The following CTNND2 variants were observed in gnomAD, a reference collection of about 807,000 sequenced individuals.
CTNND2 encodes the protein catenin delta-2.
A neutral mutation model predicts 144.4 loss-of-function variants in CTNND2; 22 were observed. The observed-to-expected ratio is 0.15, with a 90% CI of 0.11 to 0.22. The LOEUF (loss-of-function observed/expected upper bound fraction) is 0.22. CTNND2 is among the 10% of genes least tolerant of loss of function. The pLI, the probability that CTNND2 is intolerant of heterozygous loss-of-function variation, is 1.00. For synonymous variants in CTNND2, 751 were observed against 695.6 expected (o/e 1.08, Z -1.25); for missense variants, 1,353 against 1,618.8 (o/e 0.84, Z 2.82).
intron 2 of CTNND2, among the ~76,000 whole-genome samples, chr5:11,646,978 TA>T (rs1370974713): frequency 2.0e-5 from 3 of 152,214 alleles, no homozygotes; most frequent in African/African-American, 4.8e-5. Context: ...GGCATCCTTC[TA>T]AAACTGACCT....
At chr5:11,205,182 T>C (rs1737914237) in intron 10 of CTNND2, among the ~76,000 whole-genome samples, 3 of 147,886 alleles carry the variant, frequency 2.0e-5, no homozygotes, top group Admixed American at 6.7e-5. Flanking sequence ...CTACATACTA[T>C]ATATATATGT....
At chr5:11,637,692 C>G (rs1410002045) in intron 2 of CTNND2, among the ~76,000 whole-genome samples, 1 of 152,066 alleles carries the variant, frequency 6.6e-6, no homozygotes, top group African/African-American at 2.4e-5. Flanking sequence ...AAAACCTGAG[C>G]AACATCAATC....
In CTNND2 at chr5:11,893,758, C is replaced by G. The variant is rs145561876; in HGVS notation, c.37+10059G>C. Among the ~76,000 whole-genome samples, 273 of 152,228 alleles carry G rather than the reference C, an allele frequency of 1.8e-3. 1 individual carries two copies. Among genetic ancestry groups the G allele is most frequent in the Middle Eastern group, 0.014 (4 of 294 alleles). ...CAGGCTAAGTACAAGCTAAGTACAC[C>G]CCATGGATCCCCTCAACTGCTGCAA... On this transcript the variant is annotated intron_variant, in intron 1 of 21. Coordinates refer to ENST00000304623, the MANE Select transcript of CTNND2 (RefSeq NM_001332.4).
chr5:11,482,215 A>G (rs1353337842), intron 3 of CTNND2, among the ~76,000 whole-genome samples: 2 of 152,098 alleles, frequency 1.3e-5, no homozygotes, highest in Non-Finnish European at 2.9e-5. Context: ...ACTGCTATTC[A>G]TGGCATCTTT....
chr5:11,650,065 C>T (rs1410219045), intron 2 of CTNND2, among the ~76,000 whole-genome samples: 1 of 152,056 alleles, frequency 6.6e-6, no homozygotes, highest in African/African-American at 2.4e-5. Context: ...ATTTGTGTCC[C>T]CACCCAAATC....
Position 11,236,613 on chromosome 5 carries a change from T to C in CTNND2, c.1761+78A>G. ...AGCATAACTTCAGTTCTCCTAATTC[T>C]TTTCCCCATCAACATTAAGAAGATC... On this transcript the variant is annotated intron_variant, in intron 10 of 21. Transcript: ENST00000304623. The C allele has an allele frequency of 5.5e-6, 8 of 1,461,230 alleles. No homozygotes were observed. The South Asian group carries it at 9.9e-5, about 18-fold the overall frequency. The allele number at this position is 1,461,230 out of a possible 1,614,324, so 90.5% of individuals were successfully genotyped here. A position where few individuals can be genotyped will look rare whatever the true frequency, so the allele number is the denominator to read the frequency against.
At chr5:11,694,917 A>G (rs992648153) in intron 2 of CTNND2, among the ~76,000 whole-genome samples, 2 of 152,254 alleles carry the variant, frequency 1.3e-5, no homozygotes, top group African/African-American at 4.8e-5. Context: ...TGGAACCCCA[A>G]TGTGTTGTCA....
chr5:11,285,891 A>G (rs1747682975), intron 9 of CTNND2, among the ~76,000 whole-genome samples: 1 of 152,246 alleles, frequency 6.6e-6, no homozygotes, highest in South Asian at 2.1e-4. Context: ...GTGATTTTTA[A>G]ATACATTAAC....
chr5:11,681,630 T>A (rs185266578), intron 2 of CTNND2, among the ~76,000 whole-genome samples: 184 of 152,372 alleles, frequency 1.2e-3, no homozygotes, highest in African/African-American at 4.3e-3. Flanking sequence ...AAGATCCATT[T>A]ATTTGTATAT....
At chr5:11,881,361 G>C (rs150403641) in intron 1 of CTNND2, among the ~76,000 whole-genome samples, 19 of 152,002 alleles carry the variant, frequency 1.2e-4, no homozygotes, top group African/African-American at 4.6e-4. Flanking sequence ...CTGTGTTACA[G>C]AACACTAGAA....
chr5:11,582,721 G>A (rs1392698805), intron 2 of CTNND2, among the ~76,000 whole-genome samples: 1 of 152,168 alleles, frequency 6.6e-6, no homozygotes. Flanking sequence ...TCTACAGATG[G>A]AAGAGGAAGA....
intron 3 of CTNND2, among the ~76,000 whole-genome samples, chr5:11,502,762 C>T (rs1770665055): frequency 6.6e-6 from 1 of 152,132 alleles, no homozygotes; most frequent in Non-Finnish European, 1.5e-5. Flanking sequence ...GAAACCCTTC[C>T]CCTGTGACTT....
chr5:11,576,532 G>A (rs974463770), intron 2 of CTNND2, among the ~76,000 whole-genome samples: 1 of 151,608 alleles, frequency 6.6e-6, no homozygotes, highest in African/African-American at 2.4e-5. Flanking sequence ...AAACTTTTCA[G>A]AGTGAGGAAG....
intron 16 of CTNND2, among the ~76,000 whole-genome samples, chr5:11,045,799 G>C (rs1479935830): frequency 6.6e-6 from 1 of 152,124 alleles, no homozygotes; most frequent in African/African-American, 2.4e-5. Flanking sequence ...GACTTGGACA[G>C]ATTTTTGGGG....
intron 20 of CTNND2, among the ~76,000 whole-genome samples, chr5:10,987,633 C>A (rs1041378382): frequency 6.7e-6 from 1 of 149,374 alleles, no homozygotes; most frequent in Non-Finnish European, 1.5e-5. Context: ...CTGCCCTCCT[C>A]TTTCCATTCC....
chr5:11,304,417 C>T (rs141096858), intron 9 of CTNND2, among the ~76,000 whole-genome samples: 3,700 of 152,112 alleles, frequency 0.024, 66 homozygotes, highest in Non-Finnish European at 0.036. Context: ...CACACAAACT[C>T]TCTCTCCCCC....
intron 2 of CTNND2, among the ~76,000 whole-genome samples, chr5:11,584,929 T>C (rs1016788335): frequency 1.3e-5 from 2 of 152,194 alleles, no homozygotes; most frequent in African/African-American, 4.8e-5. Flanking sequence ...AAGAAATACA[T>C]GATTTAGTAT....
intron 15 of CTNND2, among the ~76,000 whole-genome samples, chr5:11,084,654 T>G (rs999491910): frequency 6.6e-6 from 1 of 152,152 alleles, no homozygotes. Context: ...CTCAGCCTGG[T>G]GGGGAAGAGA....
chr5:11,209,109 T>C (rs1738353532), intron 10 of CTNND2, among the ~76,000 whole-genome samples: 1 of 152,174 alleles, frequency 6.6e-6, no homozygotes, highest in Non-Finnish European at 1.5e-5. Flanking sequence ...AGAGTGGATA[T>C]TGAAAAGGCT....
Sources: allele counts gnomAD v4.1 joint callset (sites outside exome capture counted in the v4.1 genomes callset), GRCh38; gene constraint gnomAD v4.1.1; transcripts MANE v1.5; gene names NCBI Gene and HGNC (gene_info 2026-07-23, HGNC 2026-07-21).